CORIN: variants seen among roughly 807,000 people sequenced by gnomAD.
CORIN encodes the protein corin, serine peptidase, also known as atrial natriuretic peptide-converting enzyme.
A neutral mutation model predicts 125.3 loss-of-function variants in CORIN; 117 were observed. That is an observed-to-expected ratio of 0.93 (90% CI 0.80 to 1.09). The LOEUF is 1.09. Among genes scored for constraint, CORIN ranks in the 50% least tolerant of loss-of-function variants. CORIN has a pLI of 0.00. For synonymous variants in CORIN, 450 were observed against 466.4 expected, an observed-to-expected ratio of 0.96 and a Z score of 0.45; for missense variants, 1,253 against 1,306.7, an observed-to-expected ratio of 0.96 and a Z score of 0.63.
chr4:47,765,592 T>A (rs937979529), intron 3 of CORIN, among the ~76,000 whole-genome samples: 2 of 152,124 alleles, frequency 1.3e-5, no homozygotes, highest in Admixed American at 1.3e-4. Flanking sequence ...ATTGTCAAAT[T>A]CCCCCATCAT....
intron 10 of CORIN, among the ~76,000 whole-genome samples, chr4:47,670,127 C>T (rs1053077790): frequency 6.6e-6 from 1 of 152,170 alleles, no homozygotes; most frequent in Non-Finnish European, 1.5e-5. Context: ...TTCTGAACCT[C>T]GGCAGCTGAA....
chr4:47,674,247 C>T, intron 10 of CORIN, 146 bp downstream of exon 10: 1 of 619,062 alleles, frequency 1.6e-6, no homozygotes, highest in Non-Finnish European at 2.9e-6. Context: ...TTACTGCTAC[C>T]ACATGCGACC....
chr4:47,732,824 A>C (rs1374018792), intron 5 of CORIN, among the ~76,000 whole-genome samples: 1 of 151,988 alleles, frequency 6.6e-6, no homozygotes, highest in African/African-American at 2.4e-5. Context: ...TGGCCTCCCA[A>C]AGTGCTGGGA....
rs780918451 is a variant in CORIN, at chr4:47,674,535, C to T, written c.1250-35G>A. The T allele has an allele frequency of 6.2e-6, 8 of 1,294,324 alleles. No individual in the cohort carries two copies. In the Admixed American group the frequency reaches 1.3e-4, roughly 22 times the overall value. The allele number at this position is 1,294,324 out of a possible 1,614,324, so 80.2% of individuals were successfully genotyped here. ...GAGGAAAAGGCACATTGGCTTTCAT[C>T]ATCTACAAATTCCTTACCTAAGGAT... On this transcript the variant is annotated intron_variant, in intron 9 of 21. Coordinates refer to ENST00000273857, the MANE Select transcript of CORIN (RefSeq NM_006587.4).
At chr4:47,811,631 C>T (rs889447636) in intron 1 of CORIN, among the ~76,000 whole-genome samples, 15 of 152,124 alleles carry the variant, frequency 9.9e-5, no homozygotes, top group African/African-American at 3.4e-4. Flanking sequence ...TCCTAAAGTG[C>T]TGAGATCACA....
intron 17 of CORIN, among the ~76,000 whole-genome samples, chr4:47,625,818 T>C (rs1438740464): frequency 1.3e-5 from 2 of 152,126 alleles, no homozygotes; most frequent in Non-Finnish European, 2.9e-5. Flanking sequence ...TTTAAACGAG[T>C]CAGTGTATAT....
intron 2 of CORIN, 25 bp from the exon 3 acceptor site, chr4:47,786,950 A>G (rs747945665): frequency 6.6e-7 from 1 of 1,512,296 alleles, no homozygotes; most frequent in Admixed American, 1.8e-5. Flanking sequence ...CAAACACAAA[A>G]AAAACCTATC....
intron 5 of CORIN, among the ~76,000 whole-genome samples, chr4:47,736,693 T>G (rs541811741): frequency 2.7e-5 from 4 of 149,992 alleles, no homozygotes; most frequent in Non-Finnish European, 5.9e-5. Flanking sequence ...GTCTATGTAT[T>G]CTTATCATTT....
chr4:47,703,924 G>A (rs1726427107), intron 5 of CORIN, among the ~76,000 whole-genome samples: 1 of 152,116 alleles, frequency 6.6e-6, no homozygotes, highest in African/African-American at 2.4e-5. Flanking sequence ...AACACACACA[G>A]GCATTAATAC....
At chr4:47,629,939 C>T (rs1024593057) in intron 16 of CORIN, among the ~76,000 whole-genome samples, 1 of 151,994 alleles carries the variant, frequency 6.6e-6, no homozygotes, top group African/African-American at 2.4e-5. Flanking sequence ...GACGGCAAAG[C>T]TGGTAATTTA....
At chr4:47,730,472 C>CAAA (rs71199996) in intron 5 of CORIN, among the ~76,000 whole-genome samples, 36 of 65,798 alleles carry the variant, frequency 5.5e-4, no homozygotes, top group Non-Finnish European at 8.5e-4. Context: ...GACTCCATCT[C>CAAA]AAAAAAAAAA....
intron 12 of CORIN, among the ~76,000 whole-genome samples, chr4:47,657,134 G>T (rs1480476112): frequency 6.6e-6 from 1 of 152,108 alleles, no homozygotes; most frequent in African/African-American, 2.4e-5. Flanking sequence ...AATTAAAGAG[G>T]ATATAAAGAA....
intron 12 of CORIN, among the ~76,000 whole-genome samples, chr4:47,661,184 G>C (rs1363873449): frequency 6.6e-6 from 1 of 152,168 alleles, no homozygotes; most frequent in Non-Finnish European, 1.5e-5. Flanking sequence ...TGTCTGCGAA[G>C]GGTAGTGGTG....
At chr4:47,619,489 T>A (rs61759676) in intron 19 of CORIN, among the ~76,000 whole-genome samples, 1 of 152,108 alleles carries the variant, frequency 6.6e-6, no homozygotes, top group Non-Finnish European at 1.5e-5. Context: ...AGAATCAGGG[T>A]TATTAGCCCA....
At chr4:47,729,947 C>T (rs1727788990) in intron 5 of CORIN, among the ~76,000 whole-genome samples, 1 of 152,156 alleles carries the variant, frequency 6.6e-6, no homozygotes. Flanking sequence ...AGACCACCTT[C>T]CCACTCCATT....
chr4:47,732,989 C>A (rs1727954447), intron 5 of CORIN, among the ~76,000 whole-genome samples: 1 of 152,200 alleles, frequency 6.6e-6, no homozygotes, highest in Non-Finnish European at 1.5e-5. Flanking sequence ...CTGTGCGTCC[C>A]ATGTCCATCT....
chr4:47,626,556 G>A, intron 16 of CORIN, 35 bp from the exon 17 acceptor site: 1 of 1,281,852 alleles, frequency 7.8e-7, no homozygotes, highest in Non-Finnish European at 1.1e-6. Flanking sequence ...AGTATTCAAA[G>A]TACAATGATC....
intron 5 of CORIN, among the ~76,000 whole-genome samples, chr4:47,709,101 C>T (rs1389122953): frequency 6.6e-6 from 1 of 152,056 alleles, no homozygotes; most frequent in Non-Finnish European, 1.5e-5. Context: ...CGTTAACAAC[C>T]CAAATCTCTT....
Position 47,695,427 on chromosome 4 carries a change from C to A in CORIN, c.800-2344G>T, listed in dbSNP as rs61761806. On this transcript the variant is annotated intron_variant, in intron 5 of 21. Coordinates refer to ENST00000273857, the MANE Select transcript of CORIN (RefSeq NM_006587.4). Reference sequence around the variant, plus strand: ...AAGCTCAAGATTCAATAGCTCCTAACCTCCAGATTTTATCTTTAAGACCCT... The same window carrying A: ...AAGCTCAAGATTCAATAGCTCCTAAACTCCAGATTTTATCTTTAAGACCCT... 8.4e-4 allele frequency among the ~76,000 whole-genome samples: 128 copies of A among 152,352 alleles called. 1 individual carries two copies. Among genetic ancestry groups the A allele is most frequent in the Admixed American group, 3.4e-3 (52 of 15,304 alleles).
Sources: allele counts gnomAD v4.1 joint callset (sites outside exome capture counted in the v4.1 genomes callset), GRCh38; gene constraint gnomAD v4.1.1; transcripts MANE v1.5; gene names NCBI Gene and HGNC (gene_info 2026-07-23, HGNC 2026-07-21).